SLC1A2: variants seen among roughly 807,000 people sequenced by gnomAD.
SLC1A2 encodes excitatory amino acid transporter 2.
In SLC1A2, 15 loss-of-function variants were observed where a neutral mutation model predicts 48.8. That is an observed-to-expected ratio of 0.31 (90% CI 0.21 to 0.47). SLC1A2 has a LOEUF of 0.47. SLC1A2 is among the 20% of genes least tolerant of loss of function. The pLI, the probability that SLC1A2 is intolerant of heterozygous loss-of-function variation, is 0.99. For missense variants in SLC1A2, 502 were observed against 730.5 expected (o/e 0.69, Z 3.61); for synonymous variants, 279 against 272.6 (o/e 1.02, Z -0.23).
At chr11:35,267,107 G>T (rs1333035232) in intron 9 of SLC1A2, among the ~76,000 whole-genome samples, 2 of 152,174 alleles carry the variant, frequency 1.3e-5, no homozygotes, top group East Asian at 3.8e-4. Context: ...AGTGTGATCG[G>T]GTCTACATCT....
At chr11:35,306,461 A>G (rs1223776187) in intron 4 of SLC1A2, among the ~76,000 whole-genome samples, 2 of 152,264 alleles carry the variant, frequency 1.3e-5, no homozygotes, top group Non-Finnish European at 2.9e-5. Context: ...CTAATCACAG[A>G]TAATTACACA....
chr11:35,332,402 T>C (rs1188547393), intron 1 of SLC1A2, among the ~76,000 whole-genome samples: 1 of 152,242 alleles, frequency 6.6e-6, no homozygotes, highest in African/African-American at 2.4e-5. Context: ...ATGCTGAGGA[T>C]AGTTTCTCGC....
intron 5 of SLC1A2, among the ~76,000 whole-genome samples, chr11:35,302,266 G>GT (rs887458959): frequency 2.0e-5 from 3 of 152,100 alleles, no homozygotes; most frequent in Non-Finnish European, 4.4e-5. Context: ...ATTTTATCCA[G>GT]TTTTTTTAAA....
intron 1 of SLC1A2, among the ~76,000 whole-genome samples, chr11:35,385,636 T>A (rs906154992): frequency 1.3e-5 from 2 of 152,198 alleles, no homozygotes; most frequent in African/African-American, 2.4e-5. Flanking sequence ...TCTGACTTGA[T>A]CTTTCCCCAA....
intron 5 of SLC1A2, among the ~76,000 whole-genome samples, chr11:35,305,104 T>G (rs78173886): frequency 0.026 from 3,942 of 152,232 alleles, 212 homozygotes; most frequent in East Asian, 0.18. Flanking sequence ...TGCCCCTATT[T>G]CCTGTCTCGG....
At chr11:35,313,543 T>G (rs1055830235) in intron 3 of SLC1A2, among the ~76,000 whole-genome samples, 2 of 152,188 alleles carry the variant, frequency 1.3e-5, no homozygotes, top group African/African-American at 4.8e-5. Context: ...TTTTGGGTGT[T>G]AGTCCTTTTT....
chr11:35,271,268 A>C (rs1850272297), intron 9 of SLC1A2, among the ~76,000 whole-genome samples: 1 of 152,246 alleles, frequency 6.6e-6, no homozygotes, highest in African/African-American at 2.4e-5. Context: ...GATGCCCCAC[A>C]GATGGCTGGT....
intron 1 of SLC1A2, among the ~76,000 whole-genome samples, chr11:35,368,290 C>T (rs1405083819): frequency 6.6e-6 from 1 of 152,198 alleles, no homozygotes; most frequent in African/African-American, 2.4e-5. Flanking sequence ...ACAGAATTTA[C>T]AGCTTGTCAG....
At chr11:35,371,566 T>C (rs1385083766) in intron 1 of SLC1A2, among the ~76,000 whole-genome samples, 2 of 152,206 alleles carry the variant, frequency 1.3e-5, no homozygotes, top group African/African-American at 4.8e-5. Flanking sequence ...TTGAGATCTT[T>C]GCAAAGGGAG....
chr11:35,312,536 T>G lies in SLC1A2; in HGVS notation c.311-88A>C, dbSNP rs16927309. The G allele has an allele frequency of 2.1e-3, 2,862 of 1,394,778 alleles. 57 individuals carry two copies. The African/African-American group carries it at 0.037, about 18-fold the overall frequency. The allele number at this position is 1,394,778 out of a possible 1,614,324, so 86.4% of individuals were successfully genotyped here. On this transcript the variant is annotated intron_variant, in intron 3 of 10. Transcript: ENST00000278379. ...ACATTTCTATGACGTTAGCTTCATA[T>G]TACTCAAATGTGTTAATGGTTGATT...
chr11:35,360,098 G>A (rs1259697351), intron 1 of SLC1A2: 6 of 985,222 alleles, frequency 6.1e-6, no homozygotes, highest in Non-Finnish European at 7.2e-6. Context: ...GGAGTGAGCT[G>A]TGCCTTCCAT....
chr11:35,346,888 G>A (rs1039838357), intron 1 of SLC1A2, among the ~76,000 whole-genome samples: 5 of 152,228 alleles, frequency 3.3e-5, no homozygotes, highest in African/African-American at 1.2e-4. Context: ...GACACAGGAT[G>A]GAAGAAGACC....
intron 1 of SLC1A2, among the ~76,000 whole-genome samples, chr11:35,327,706 G>C (rs915633273): frequency 6.6e-6 from 1 of 152,152 alleles, no homozygotes; most frequent in Non-Finnish European, 1.5e-5. Flanking sequence ...TTTAAAAAGC[G>C]TTTTTGCATT....
intron 1 of SLC1A2, chr11:35,390,662 CTT>C (rs35511500): frequency 5.4e-4 from 74 of 136,014 alleles, no homozygotes; most frequent in South Asian, 2.6e-3. Context: ...AAAATCTATT[CTT>C]TTTTTTTTTT....
At chr11:35,276,888 T>C (rs1268795647) in intron 9 of SLC1A2, among the ~76,000 whole-genome samples, 1 of 152,228 alleles carries the variant, frequency 6.6e-6, no homozygotes, top group Admixed American at 6.5e-5. Flanking sequence ...TATAGCAAAA[T>C]ACTTGAGATT....
Position 35,256,957 on chromosome 11 carries a change from G to A in SLC1A2, c.*3937C>T, listed in dbSNP as rs1179446276. 1 of 152,110 alleles carries A rather than the reference G, an allele frequency of 6.6e-6. No individual in the cohort carries two copies. 9.4% of individuals were successfully genotyped at this position (152,110 alleles called of 1,614,324 possible). On this transcript the variant is annotated 3_prime_UTR_variant, in exon 11 of 11. Coordinates refer to ENST00000278379, the MANE Select transcript of SLC1A2 (RefSeq NM_004171.4). ...CTTGGATTTACTGCTGCATTCCATG[G>A]GAAAATATTGCACAGGTGGCCGAAG...
chr11:35,376,243 A>G (rs1162835062), intron 1 of SLC1A2, among the ~76,000 whole-genome samples: 1 of 152,140 alleles, frequency 6.6e-6, no homozygotes, highest in Non-Finnish European at 1.5e-5. Flanking sequence ...AAAGACATGG[A>G]AAGACCGAGG....
At chr11:35,262,743 A>T (rs1950412262) in intron 10 of SLC1A2, among the ~76,000 whole-genome samples, 1 of 152,244 alleles carries the variant, frequency 6.6e-6, no homozygotes, top group South Asian at 2.1e-4. Context: ...CTGAGGATCA[A>T]ATAGCCTTCA....
intron 1 of SLC1A2, among the ~76,000 whole-genome samples, chr11:35,402,009 GTGAA>G (rs10594944): frequency 0.12 from 18,867 of 151,850 alleles, 3,076 homozygotes; most frequent in African/African-American, 0.38. Flanking sequence ...TAGAAAGTTT[GTGAA>G]TGAATGAATG....
Sources: gnomAD v4.1 joint callset for allele counts (sites outside exome capture counted in the v4.1 genomes callset) on GRCh38, gnomAD v4.1.1 for gene constraint, MANE v1.5 for transcripts, NCBI Gene and HGNC (gene_info 2026-07-23, HGNC 2026-07-21) for gene names.